Variants in NALCN observed in about 807,000 individuals in gnomAD.
The protein encoded by NALCN is sodium leak channel NALCN.
In NALCN, 111 loss-of-function variants were observed where a neutral mutation model predicts 225.3. The observed-to-expected ratio is 0.49, with a 90% CI of 0.42 to 0.58. The LOEUF (loss-of-function observed/expected upper bound fraction) is 0.58, where lower values mean the gene tolerates loss of function less well. Ranked by LOEUF, NALCN falls within the 20% of genes least tolerant of loss-of-function variation. The pLI is 0.00. For missense variants in NALCN, 1,378 were observed against 2,202.4 expected (o/e 0.63, Z 7.49); for synonymous variants, 764 against 769.0 (o/e 0.99, Z 0.11).
Position 101,343,596 on chromosome 13 carries a change from C to T in NALCN, c.799+1670G>A, listed in dbSNP as rs146206590. On this transcript the variant is annotated intron_variant, in intron 7 of 43. Transcript: ENST00000251127. ...GCCCTGTGCCCTGGAGACTTGAAGA[C>T]GAAAAGATGCACTTCCTGTTTTCAA... Among the ~76,000 whole-genome samples, 545 of 152,258 alleles carry T rather than the reference C, an allele frequency of 3.6e-3. 8 individuals are homozygous for T. The highest frequency in any genetic ancestry group is 1.4e-3 in the Non-Finnish European group (98 of 68,016).
intron 18 of NALCN, chr13:101,117,110 C>T: frequency 2.6e-6 from 1 of 379,816 alleles, no homozygotes; most frequent in South Asian, 1.9e-5. Flanking sequence ...ATAGCAACTG[C>T]CAGTTAGTTC....
At chr13:101,350,094 C>G (rs1031708384) in intron 6 of NALCN, among the ~76,000 whole-genome samples, 1 of 152,168 alleles carries the variant, frequency 6.6e-6, no homozygotes, top group African/African-American at 2.4e-5. Context: ...CTGGCCTCCT[C>G]ACTGGCCACC....
intron 7 of NALCN, among the ~76,000 whole-genome samples, chr13:101,293,712 C>G (rs1308479770): frequency 6.6e-6 from 1 of 152,036 alleles, no homozygotes; most frequent in Non-Finnish European, 1.5e-5. Flanking sequence ...GCATGCAGAA[C>G]AGAAGGCAAG....
chr13:101,214,907 A>C (rs1228395642), intron 13 of NALCN, among the ~76,000 whole-genome samples: 1 of 152,178 alleles, frequency 6.6e-6, no homozygotes, highest in Non-Finnish European at 1.5e-5. Context: ...GGGCACTCAC[A>C]TATGGAACCA....
chr13:101,060,273 C>CTTTTTTTTTT (rs1566768228), intron 41 of NALCN, among the ~76,000 whole-genome samples: 3 of 49,324 alleles, frequency 6.1e-5, no homozygotes, highest in Non-Finnish European at 1.1e-4. Flanking sequence ...TTGGTGTTTT[C>CTTTTTTTTTT]TGTTTTTTTT....
intron 18 of NALCN, chr13:101,116,886 T>C (rs374361133): frequency 9.9e-5 from 48 of 487,300 alleles, no homozygotes; most frequent in African/African-American, 5.6e-4. Flanking sequence ...ACTAAGAGAA[T>C]AGATAATGAG....
chr13:101,393,499 A>G (rs2047200991), intron 3 of NALCN, among the ~76,000 whole-genome samples: 1 of 152,230 alleles, frequency 6.6e-6, no homozygotes, highest in Admixed American at 6.5e-5. Context: ...TGACATAGGA[A>G]AATTTTTTGC....
At chr13:101,137,683 T>C (rs950814799) in intron 17 of NALCN, among the ~76,000 whole-genome samples, 4 of 152,170 alleles carry the variant, frequency 2.6e-5, no homozygotes, top group Non-Finnish European at 5.9e-5. Flanking sequence ...AATTGATCAG[T>C]AATTAATATA....
intron 30 of NALCN, among the ~76,000 whole-genome samples, chr13:101,084,013 GA>G (rs1355035296): frequency 6.6e-6 from 1 of 152,152 alleles, no homozygotes; most frequent in African/African-American, 2.4e-5. Flanking sequence ...GTTTCAGAGA[GA>G]ATTCAGCAGC....
intron 7 of NALCN, among the ~76,000 whole-genome samples, chr13:101,299,876 G>C (rs1435226566): frequency 6.6e-6 from 1 of 152,136 alleles, no homozygotes; most frequent in Non-Finnish European, 1.5e-5. Context: ...GAGATTGACT[G>C]TAACTTACTA....
chr13:101,283,817 C>A, intron 10 of NALCN, 116 bp downstream of exon 10: 1 of 845,306 alleles, frequency 1.2e-6, no homozygotes. Flanking sequence ...CCATCTCTAA[C>A]TTCAGGATTT....
intron 18 of NALCN, among the ~76,000 whole-genome samples, chr13:101,122,670 C>T (rs892924215): frequency 7.9e-5 from 12 of 152,160 alleles, no homozygotes; most frequent in African/African-American, 2.7e-4. Flanking sequence ...GGAGACTCTT[C>T]GCCATCCAAT....
At chr13:101,406,552 A>AT (rs779791006) in intron 1 of NALCN, among the ~76,000 whole-genome samples, 3 of 152,282 alleles carry the variant, frequency 2.0e-5, no homozygotes, top group Non-Finnish European at 4.4e-5. Context: ...GGCATCAATT[A>AT]TTTTTTGTGC....
chr13:101,191,915 A>T lies in NALCN; in HGVS notation c.1764+2T>A. The T allele has an allele frequency of 6.2e-7, 1 of 1,608,086 alleles. No homozygotes were observed. ...TAATTGAAAAAAAAATGCTGAACTC[A>T]CCAGAGTGGCAAAAAGATGATAGAG... On this transcript the variant is annotated splice_donor_variant, in intron 14 of 43. Transcript: ENST00000251127. LOFTEE classifies it high-confidence loss of function.
chr13:101,085,647 A>G (rs1361099146), intron 30 of NALCN, among the ~76,000 whole-genome samples: 4 of 152,286 alleles, frequency 2.6e-5, no homozygotes, highest in African/African-American at 9.6e-5. Flanking sequence ...ATGAATTGAA[A>G]TATCACACTG....
intron 14 of NALCN, among the ~76,000 whole-genome samples, chr13:101,189,205 A>G (rs1292854045): frequency 6.6e-6 from 1 of 152,180 alleles, no homozygotes; most frequent in Non-Finnish European, 1.5e-5. Flanking sequence ...ATGTTCTAAA[A>G]ATTGGAAAAT....
chr13:101,349,946 T>A (rs2045860577), intron 6 of NALCN, among the ~76,000 whole-genome samples: 1 of 152,164 alleles, frequency 6.6e-6, no homozygotes, highest in African/African-American at 2.4e-5. Context: ...TGGAGCAAAC[T>A]TGAAGTCTTA....
rs1163348595 is a variant in NALCN, at chr13:101,089,918, C to T, written c.3318G>A (p.Leu1106=). 2 of 1,614,036 alleles carry T rather than the reference C, an allele frequency of 1.2e-6. No individual in the cohort carries two copies. Among genetic ancestry groups the T allele is most frequent in the Admixed American group, 3.3e-5 (2 of 60,016 alleles). ...TCAAGGAGAGAACTTCAAACAACGC[C>T]AGCATAGCGTTTCCCACATTGTCGA... The part of the protein sequence containing the change: ...FNFDNVGNAM[L]ALFEVLSLKG... The change falls in exon 29 of 44, where the codon CTG becomes CTA. Residue 1106 remains leucine (L), a synonymous_variant. Coordinates refer to ENST00000251127, the MANE Select transcript of NALCN (RefSeq NM_052867.4). This position sits in a 1 kb window ranked among gnomAD's most constrained non-coding sequence, Gnocchi z 4.7.
chr13:101,083,276 C>A, intron 31 of NALCN, 78 bp from the exon 32 acceptor site: 1 of 1,224,424 alleles, frequency 8.2e-7, no homozygotes, highest in Admixed American at 1.9e-5. Context: ...TTCTTAAATG[C>A]TTATCTTAAA....
Sources: allele counts gnomAD v4.1 joint callset (sites outside exome capture counted in the v4.1 genomes callset), GRCh38; gene constraint gnomAD v4.1.1; non-coding constraint Gnocchi (gnomAD v3.1); transcripts MANE v1.5; gene names NCBI Gene and HGNC (gene_info 2026-07-23, HGNC 2026-07-21).